ABCA1: variants seen among roughly 807,000 people sequenced by gnomAD.
ABCA1 encodes the protein phospholipid-transporting ATPase ABCA1.
A neutral mutation model predicts 262.5 loss-of-function variants in ABCA1; 133 were observed. The observed-to-expected ratio is 0.51, with a 90% CI of 0.44 to 0.59. The LOEUF is 0.59. ABCA1 is among the 20% of genes least tolerant of loss of function. The pLI is 0.00. For missense variants in ABCA1, 2,452 were observed against 2,777.5 expected (o/e 0.88, Z 2.63); for synonymous variants, 1,022 against 1,043.5 (o/e 0.98, Z 0.40).
chr9:104,830,320 C>G, intron 14 of ABCA1, among the ~76,000 whole-genome samples: 1 of 151,178 alleles, frequency 6.6e-6, no homozygotes. Context: ...TGAGTATGTG[C>G]TTGCATGTGT....
intron 9 of ABCA1, among the ~76,000 whole-genome samples, chr9:104,837,937 C>T (rs1263906312): frequency 6.6e-6 from 1 of 152,202 alleles, no homozygotes; most frequent in African/African-American, 2.4e-5. Flanking sequence ...CCAGCCTCAC[C>T]ATTGTTTTCA....
At chr9:104,784,628 A>G (rs1449731380) in intron 49 of ABCA1, among the ~76,000 whole-genome samples, 173 bp from the exon 50 acceptor site, 3 of 152,180 alleles carry the variant, frequency 2.0e-5, no homozygotes, top group South Asian at 2.1e-4. Flanking sequence ...GAAAAAAGCA[A>G]TAACAACTTA....
At chr9:104,831,916 G>T in intron 12 of ABCA1, 89 bp from the exon 13 acceptor site, 1 of 1,161,346 alleles carries the variant, frequency 8.6e-7, no homozygotes, top group Non-Finnish European at 1.3e-6. Flanking sequence ...GGCAAGGGCT[G>T]ACTACACGAT....
At chr9:104,805,809 A>G (rs1406955556) in intron 31 of ABCA1, among the ~76,000 whole-genome samples, 2 of 152,224 alleles carry the variant, frequency 1.3e-5, no homozygotes, top group Non-Finnish European at 2.9e-5. Context: ...GAAGCGAGTT[A>G]AAGACTGAAA....
At chr9:104,842,233 A>G (rs1023493552) in intron 8 of ABCA1, among the ~76,000 whole-genome samples, 2 of 152,170 alleles carry the variant, frequency 1.3e-5, no homozygotes, top group Non-Finnish European at 2.9e-5. Flanking sequence ...GAACACAATT[A>G]GGTGAGGTGG....
intron 22 of ABCA1, among the ~76,000 whole-genome samples, chr9:104,819,233 C>T (rs1392027947): frequency 6.6e-6 from 1 of 152,210 alleles, no homozygotes; most frequent in East Asian, 1.9e-4. Flanking sequence ...CCCAATGTCT[C>T]AGGGCCAGCC....
chr9:104,840,406 G>A lies in ABCA1; in HGVS notation c.927C>T (p.Cys309=), dbSNP rs566973265. 1.1e-5 allele frequency: 17 copies of A among 1,614,184 alleles called. No individual in the cohort carries two copies. In the East Asian group the frequency reaches 1.3e-4, roughly 13 times the overall value. ...TCAGCCCCCCTCCCTCGGGATGCCC[G>A]CAGACAATACGAGACACAGCCTGGT... The part of the protein sequence containing the change: ...QIYQAVSRIV[C]GHPEGGGLKI... Residue 309 remains cysteine (C), a synonymous_variant, in exon 9 of 50, where the codon TGC becomes TGT. Transcript: ENST00000374736.
At chr9:104,785,354 C>T in intron 49 of ABCA1, 42 bp downstream of exon 49, 5 of 1,612,322 alleles carry the variant, frequency 3.1e-6, no homozygotes, top group Non-Finnish European at 4.2e-6. Context: ...GGCAGGAATC[C>T]ACACCCTGAG....
At chr9:104,814,327 G>A in intron 26 of ABCA1, 96 bp from the exon 27 acceptor site, 1 of 1,553,034 alleles carries the variant, frequency 6.4e-7, no homozygotes, top group Non-Finnish European at 8.9e-7. Context: ...AAATGAGAAT[G>A]CAATAGAACA....
chr9:104,787,826 A>G, intron 46 of ABCA1, 94 bp downstream of exon 46: 1 of 1,612,766 alleles, frequency 6.2e-7, no homozygotes, highest in South Asian at 1.1e-5. Flanking sequence ...AAGACAAGCC[A>G]ATCATACAAC....
intron 7 of ABCA1, among the ~76,000 whole-genome samples, chr9:104,858,065 G>C (rs528588679): frequency 6.6e-6 from 1 of 152,270 alleles, no homozygotes; most frequent in East Asian, 1.9e-4. Context: ...GCTAAATAGT[G>C]TGGTCTCATC....
chr9:104,844,214 G>A (rs1317149687), intron 8 of ABCA1, among the ~76,000 whole-genome samples: 1 of 152,002 alleles, frequency 6.6e-6, no homozygotes, highest in African/African-American at 2.4e-5. Context: ...AGCTAACAGG[G>A]CCCTAGAGAA....
intron 31 of ABCA1, 44 bp from the exon 32 acceptor site, chr9:104,804,764 GAATTGAAAC>G: frequency 6.6e-7 from 1 of 1,513,064 alleles, no homozygotes; most frequent in Non-Finnish European, 9.2e-7. Flanking sequence ...TTATAGACAA[GAATTGAAAC>G]AGAAAACAAA....
intron 1 of ABCA1, among the ~76,000 whole-genome samples, chr9:104,904,506 C>A (rs1840941480): frequency 6.8e-6 from 1 of 147,836 alleles, no homozygotes; most frequent in South Asian, 2.1e-4. Context: ...GGCGGAGGTG[C>A]AGTGAGCCAA....
intron 24 of ABCA1, 43 bp from the exon 25 acceptor site, chr9:104,816,388 G>C: frequency 6.3e-7 from 1 of 1,594,522 alleles, no homozygotes; most frequent in Admixed American, 1.7e-5. Context: ...CAACTCAGAG[G>C]GGCTTCGGAG....
At chr9:104,806,206 C>A in intron 31 of ABCA1, 35 bp downstream of exon 31, 1 of 1,605,002 alleles carries the variant, frequency 6.2e-7, no homozygotes. Context: ...CATCCTGCAC[C>A]CCTTCTGCCC....
chr9:104,806,138 C>A, intron 31 of ABCA1, 103 bp downstream of exon 31: 1 of 1,234,762 alleles, frequency 8.1e-7, no homozygotes, highest in Non-Finnish European at 1.1e-6. Flanking sequence ...AAGACTGAAA[C>A]AGACCCTCCC....
chr9:104,869,631 G>GGT (rs1837422493), intron 5 of ABCA1, among the ~76,000 whole-genome samples: 2 of 152,162 alleles, frequency 1.3e-5, no homozygotes, highest in Admixed American at 1.3e-4. Context: ...GGTGAGGCGG[G>GGT]GTGATGCAGC....
At chr9:104,839,413 T>C (rs1301676853) in intron 9 of ABCA1, among the ~76,000 whole-genome samples, 4 of 152,202 alleles carry the variant, frequency 2.6e-5, no homozygotes, top group African/African-American at 9.7e-5. Context: ...TCTGAGCCTA[T>C]GAAATGTGGG....
Sources: allele counts gnomAD v4.1 joint callset (sites outside exome capture counted in the v4.1 genomes callset), GRCh38; gene constraint gnomAD v4.1.1; transcripts MANE v1.5; gene names NCBI Gene and HGNC (gene_info 2026-07-23, HGNC 2026-07-21).